COL18A1: variants seen among roughly 807,000 people sequenced by gnomAD.
The protein encoded by COL18A1 is collagen alpha-1(XVIII) chain.
A neutral mutation model predicts 168.0 loss-of-function variants in COL18A1; 133 were observed. That is an observed-to-expected ratio of 0.79 (90% CI 0.69 to 0.91). COL18A1 has a LOEUF of 0.91. Ranked by LOEUF, COL18A1 falls within the 40% of genes least tolerant of loss-of-function variation. The probability of loss-of-function intolerance (pLI) is 0.00; values close to 1 mark genes in which losing one functional copy is unlikely to be tolerated. For missense variants in COL18A1, 2,126 were observed against 1,925.4 expected (o/e 1.10, Z -1.95); for synonymous variants, 949 against 809.0 (o/e 1.17, Z -2.94).
intron 2 of COL18A1, among the ~76,000 whole-genome samples, chr21:45,434,714 G>A (rs569324384): frequency 2.0e-5 from 3 of 152,340 alleles, no homozygotes; most frequent in Non-Finnish European, 2.9e-5. Flanking sequence ...CAGGTGGTTC[G>A]TGGATGTATC....
intron 6 of COL18A1, among the ~76,000 whole-genome samples, chr21:45,476,921 T>TTGTGTG (rs56196443): frequency 0.02 from 2,944 of 146,920 alleles, 51 homozygotes; most frequent in East Asian, 0.075. Flanking sequence ...ATTATGTGTT[T>TTGTGTG]TGTGTGTGTG....
At chr21:45,427,110 C>T (rs1007804979) in intron 2 of COL18A1, among the ~76,000 whole-genome samples, 7 of 152,198 alleles carry the variant, frequency 4.6e-5, no homozygotes, top group Non-Finnish European at 1.0e-4. Flanking sequence ...CGGGCTCTCT[C>T]CGGAGCGTGT....
intron 17 of COL18A1, among the ~76,000 whole-genome samples, chr21:45,487,778 A>T (rs1490070169): frequency 1.3e-5 from 2 of 152,214 alleles, no homozygotes; most frequent in East Asian, 3.9e-4. Flanking sequence ...ACGGGGCCGC[A>T]TGCCCCCTGA....
At chr21:45,416,857 C>T (rs943187683) in intron 2 of COL18A1, among the ~76,000 whole-genome samples, 4 of 152,118 alleles carry the variant, frequency 2.6e-5, no homozygotes, top group Non-Finnish European at 5.9e-5. Context: ...TGCATATGCT[C>T]GTTCTGCATA....
chr21:45,435,566 G>A (rs2034075448), intron 2 of COL18A1, among the ~76,000 whole-genome samples: 1 of 152,114 alleles, frequency 6.6e-6, no homozygotes, highest in Non-Finnish European at 1.5e-5. Context: ...CATGTGTCAG[G>A]TGGGAGGCAC....
At position 45,511,113 on chromosome 21, in the gene COL18A1, C is replaced by G. The variant is rs747253925; in HGVS notation, c.3696C>G (p.Asp1232Glu). ...CATACACACGGTTTCTCTTCCAGGA[C>G]GAGCTGCTGTTTCCCAGCTGGGAGG... ...RAAVPIVNLK[D>E]ELLFPSWEAL... is the part of the protein sequence containing the mutation. Residue 1232 changes from aspartate to glutamate, a missense_variant and splice_region_variant, in exon 41 of 42, where the codon GAC (aspartate) becomes GAG (glutamate). Coordinates refer to ENST00000651438, the MANE Select transcript of COL18A1 (RefSeq NM_001379500.1). 1.3e-6 allele frequency: 2 copies of G among 1,541,376 alleles called. No homozygotes were observed. The highest frequency in any genetic ancestry group is 1.2e-5 in the South Asian group (1 of 85,364).
intron 9 of COL18A1, among the ~76,000 whole-genome samples, chr21:45,478,965 C>T (rs777045451): frequency 2.6e-5 from 4 of 152,196 alleles, no homozygotes; most frequent in Non-Finnish European, 5.9e-5. Context: ...CGGTCATTAC[C>T]GACCGCCTGG....
intron 2 of COL18A1, among the ~76,000 whole-genome samples, chr21:45,416,626 C>A (rs113056493): frequency 0.011 from 1,658 of 152,248 alleles, 32 homozygotes; most frequent in African/African-American, 0.038. Flanking sequence ...TCCTCTGTGA[C>A]CTGGTCACCC....
At chr21:45,480,945 C>T (rs1417783938) in intron 13 of COL18A1, 87 bp downstream of exon 13, 6 of 1,514,398 alleles carry the variant, frequency 4.0e-6, no homozygotes, top group South Asian at 1.2e-5. Context: ...CCTGCCCCGC[C>T]TCAGGCCTCC....
At chr21:45,446,235 G>A (rs760829926) in intron 2 of COL18A1, among the ~76,000 whole-genome samples, 3 of 152,140 alleles carry the variant, frequency 2.0e-5, no homozygotes, top group South Asian at 2.1e-4. Context: ...TGAGTTGCCC[G>A]TAGGTTATGA....
At position 45,489,662 on chromosome 21, in the gene COL18A1, G is replaced by C; in HGVS notation, c.1959+141G>C. The C allele has an allele frequency of 4.7e-6, 3 of 642,772 alleles. No homozygotes were observed. The Admixed American group carries it at 9.7e-5, about 21-fold the overall frequency. 39.8% of individuals were successfully genotyped at this position (642,772 alleles called of 1,614,324 possible). A position where few individuals can be genotyped will look rare whatever the true frequency, so the allele number is the denominator to read the frequency against. On this transcript the variant is annotated intron_variant, in intron 19 of 41. Transcript: ENST00000651438. ...GTTTCTTTATAATTGAAGACGTGCTGGTTTCAAAGGCAACCCCCAGGATAC... is the reference window on the plus strand; with the variant it reads ...GTTTCTTTATAATTGAAGACGTGCTCGTTTCAAAGGCAACCCCCAGGATAC...
At position 45,463,588 on chromosome 21, in the gene COL18A1, G is replaced by T. The variant is rs187532465; in HGVS notation, c.107-4654G>T. On this transcript the variant is annotated intron_variant, in intron 2 of 41. Transcript: ENST00000651438. This position sits in a 1 kb window ranked among gnomAD's most constrained non-coding sequence, Gnocchi z 4.0. ...GTACTCCAGAATCATTTTCAAACAC[G>T]TTTCTTTCTGTCAAGAAATCAAGTC... Among the ~76,000 whole-genome samples, 1 of 152,128 alleles carries T rather than the reference G, an allele frequency of 6.6e-6. No individual in the cohort carries two copies. The highest frequency in any genetic ancestry group is 1.5e-5 in the Non-Finnish European group (1 of 68,030).
At chr21:45,470,273 C>G (rs1212635478) in intron 3 of COL18A1, among the ~76,000 whole-genome samples, 1 of 152,156 alleles carries the variant, frequency 6.6e-6, no homozygotes, top group African/African-American at 2.4e-5. Flanking sequence ...GTATTTCTTC[C>G]TTTGTGACTG....
At chr21:45,451,763 C>T (rs1416564153) in intron 2 of COL18A1, among the ~76,000 whole-genome samples, 1 of 152,162 alleles carries the variant, frequency 6.6e-6, no homozygotes, top group African/African-American at 2.4e-5. Flanking sequence ...CAGACTGGGG[C>T]ACTCTCCTGT....
rs900267988 is a variant in COL18A1, at chr21:45,425,421, T to G, written c.106+19948T>G. On this transcript the variant is annotated intron_variant, in intron 2 of 41. Coordinates refer to ENST00000651438, the MANE Select transcript of COL18A1 (RefSeq NM_001379500.1). The surrounding 1 kb of genome is among the most constrained non-coding windows in gnomAD (Gnocchi z 4.1). ...CGGGTCCCTGGGGTCCCTGCAACTG[T>G]CCCCCAAGAGGTGTGCATGGAGGTG... 6.6e-6 allele frequency among the ~76,000 whole-genome samples: 1 copy of G among 152,042 alleles called. No individual in the cohort carries two copies. Among genetic ancestry groups the G allele is most frequent in the Non-Finnish European group, 1.5e-5 (1 of 67,984 alleles).
intron 2 of COL18A1, among the ~76,000 whole-genome samples, chr21:45,461,100 CAT>C (rs1274386495): frequency 1.3e-5 from 2 of 152,158 alleles, no homozygotes; most frequent in Non-Finnish European, 2.9e-5. Flanking sequence ...TTTGAAGTGC[CAT>C]ATGCGATACA....
At chr21:45,450,644 G>A (rs731537) in intron 2 of COL18A1, among the ~76,000 whole-genome samples, 27,940 of 152,238 alleles carry the variant, frequency 0.18, 2,601 homozygotes, top group Admixed American at 0.21. Flanking sequence ...GGGGCAGGGC[G>A]GAGACAGTGG....
At chr21:45,512,049 C>T (rs1262788461) in intron 41 of COL18A1, 139 bp from the exon 42 acceptor site, 5 of 904,480 alleles carry the variant, frequency 5.5e-6, no homozygotes, top group East Asian at 2.6e-5. Flanking sequence ...CCATGTGGCC[C>T]TCCAGGTTGT....
intron 2 of COL18A1, among the ~76,000 whole-genome samples, chr21:45,418,841 C>T (rs1446869820): frequency 2.0e-5 from 3 of 152,188 alleles, no homozygotes; most frequent in Non-Finnish European, 4.4e-5. Flanking sequence ...CCCTGCGAGG[C>T]GTGATGGCCA....
Sources: allele counts gnomAD v4.1 joint callset (sites outside exome capture counted in the v4.1 genomes callset), GRCh38; gene constraint gnomAD v4.1.1; non-coding constraint Gnocchi (gnomAD v3.1); transcripts MANE v1.5; gene names NCBI Gene and HGNC (gene_info 2026-07-23, HGNC 2026-07-21).